TNS3: variants seen among roughly 807,000 people sequenced by gnomAD.
The protein encoded by TNS3 is tensin 3.
Under a neutral mutation model 140.9 loss-of-function variants are expected in TNS3, and 45 were observed. That is an observed-to-expected ratio of 0.32 (90% CI 0.25 to 0.41). The LOEUF is 0.41. Ranked by LOEUF, TNS3 falls within the 10% of genes least tolerant of loss-of-function variation. The pLI is 1.00. For synonymous variants in TNS3, 815 were observed against 788.4 expected (o/e 1.03, Z -0.56); for missense variants, 1,716 against 1,906.7 (o/e 0.90, Z 1.86).
chr7:47,473,503 G>A (rs535770960), intron 4 of TNS3, among the ~76,000 whole-genome samples: 2 of 152,308 alleles, frequency 1.3e-5, no homozygotes, highest in South Asian at 4.1e-4. Context: ...ACACGTGTAG[G>A]TGATCTTCAG....
At chr7:47,548,580 A>T (rs1476221565) in intron 1 of TNS3, among the ~76,000 whole-genome samples, 1 of 152,006 alleles carries the variant, frequency 6.6e-6, no homozygotes, top group African/African-American at 2.4e-5. Context: ...GGTCGCTGTG[A>T]CCCCGTGCCC....
At chr7:47,475,001 C>T (rs1354329851) in intron 4 of TNS3, among the ~76,000 whole-genome samples, 1 of 147,834 alleles carries the variant, frequency 6.8e-6, no homozygotes, top group Non-Finnish European at 1.5e-5. Context: ...CTCAAAGCAC[C>T]TCACACGCAA....
At chr7:47,280,056 T>A (rs1785058866) in intron 30 of TNS3, 108 bp downstream of exon 30, 1 of 1,281,510 alleles carries the variant, frequency 7.8e-7, no homozygotes, top group Non-Finnish European at 1.1e-6. Flanking sequence ...ATTGGCATGG[T>A]GTAGTCATTT....
intron 15 of TNS3, among the ~76,000 whole-genome samples, chr7:47,397,598 T>G (rs1042337985): frequency 5.3e-5 from 8 of 152,228 alleles, no homozygotes; most frequent in African/African-American, 1.9e-4. Flanking sequence ...GGGTTAATGA[T>G]GAAATCATGA....
At chr7:47,451,381 ACCAACCTGGCCAACATGG>A (rs1796006393) in intron 4 of TNS3, among the ~76,000 whole-genome samples, 3 of 152,200 alleles carry the variant, frequency 2.0e-5, no homozygotes, top group Admixed American at 2.0e-4. Context: ...GGAGTTCGAG[ACCAACCTGGCCAACATGG>A]CGAAATCCTG....
chr7:47,482,012 C>A (rs1210939602), intron 3 of TNS3, among the ~76,000 whole-genome samples: 1 of 152,172 alleles, frequency 6.6e-6, no homozygotes, highest in Non-Finnish European at 1.5e-5. Context: ...AGGGCAGGGG[C>A]TAAGGGAGCC....
At chr7:47,420,351 C>T (rs9648567) in intron 10 of TNS3, among the ~76,000 whole-genome samples, 1,840 of 152,206 alleles carry the variant, frequency 0.012, 20 homozygotes, top group Non-Finnish European at 0.019. Flanking sequence ...AGGAGGAGGC[C>T]GTTTCCTGAT....
chr7:47,389,074 A>AAGAG (rs1792304382), intron 16 of TNS3, among the ~76,000 whole-genome samples: 6 of 64,576 alleles, frequency 9.3e-5, no homozygotes, highest in African/African-American at 3.2e-4. Flanking sequence ...AAGAAGAAGA[A>AAGAG]GAAGAAGAAG....
intron 23 of TNS3, among the ~76,000 whole-genome samples, chr7:47,297,856 C>T (rs1467282686): frequency 6.8e-6 from 1 of 147,126 alleles, no homozygotes; most frequent in Non-Finnish European, 1.5e-5. Context: ...GGCATGGTCT[C>T]GGCTCACTGC....
At chr7:47,521,388 G>A (rs1401629263) in intron 2 of TNS3, among the ~76,000 whole-genome samples, 2 of 152,252 alleles carry the variant, frequency 1.3e-5, no homozygotes, top group Non-Finnish European at 2.9e-5. Context: ...CAGTAAAAGT[G>A]TGCTGGTGAG....
intron 4 of TNS3, among the ~76,000 whole-genome samples, chr7:47,479,827 C>T (rs567200317): frequency 3.9e-5 from 6 of 152,218 alleles, no homozygotes; most frequent in Non-Finnish European, 8.8e-5. Flanking sequence ...TTCTCTCATC[C>T]GCAGCTAGGT....
At chr7:47,505,566 G>A (rs1008743769) in intron 3 of TNS3, among the ~76,000 whole-genome samples, 1 of 152,158 alleles carries the variant, frequency 6.6e-6, no homozygotes, top group African/African-American at 2.4e-5. Flanking sequence ...CAGGTCACAG[G>A]GGCTGCTGGT....
intron 17 of TNS3, among the ~76,000 whole-genome samples, chr7:47,358,501 G>A (rs1362407327): frequency 6.6e-6 from 1 of 152,174 alleles, no homozygotes; most frequent in African/African-American, 2.4e-5. Flanking sequence ...TACAAAAGCT[G>A]TCCACCTTCA....
intron 1 of TNS3, among the ~76,000 whole-genome samples, chr7:47,567,314 A>G (rs1046527695): frequency 1.3e-5 from 2 of 152,196 alleles, no homozygotes; most frequent in African/African-American, 4.8e-5. Flanking sequence ...TAAACATACA[A>G]AAGTCAATTG....
At chr7:47,464,739 T>C (rs1796633821) in intron 4 of TNS3, among the ~76,000 whole-genome samples, 1 of 152,230 alleles carries the variant, frequency 6.6e-6, no homozygotes, top group Non-Finnish European at 1.5e-5. Context: ...GTGTGGTTTA[T>C]ACTAACGACC....
At chr7:47,513,864 C>T (rs367646653) in intron 2 of TNS3, among the ~76,000 whole-genome samples, 13 of 152,340 alleles carry the variant, frequency 8.5e-5, no homozygotes, top group South Asian at 8.3e-4. Flanking sequence ...CATCAGTTCC[C>T]TTGTCAGACG....
intron 16 of TNS3, among the ~76,000 whole-genome samples, chr7:47,386,008 G>A (rs1002225396): frequency 1.3e-5 from 2 of 152,178 alleles, no homozygotes; most frequent in Non-Finnish European, 2.9e-5. Flanking sequence ...CATTCACACT[G>A]ACAAAAATAA....
intron 10 of TNS3, 91 bp from the exon 11 acceptor site, chr7:47,415,297 T>G (rs1329647092): frequency 3.6e-6 from 3 of 829,548 alleles, no homozygotes; most frequent in Admixed American, 6.0e-5. Context: ...CCTGGCTGAG[T>G]CTGGGGCTCT....
chr7:47,553,338 C>A (rs1800111273), intron 1 of TNS3, among the ~76,000 whole-genome samples: 1 of 152,200 alleles, frequency 6.6e-6, no homozygotes, highest in African/African-American at 2.4e-5. Context: ...ACTTTCATAG[C>A]CAGAGAGGAG....
Sources: allele counts gnomAD v4.1 joint callset (sites outside exome capture counted in the v4.1 genomes callset), GRCh38; gene constraint gnomAD v4.1.1; transcripts MANE v1.5; gene names NCBI Gene and HGNC (gene_info 2026-07-23, HGNC 2026-07-21).